Variants in KLRG1 observed in about 807,000 individuals in gnomAD.
KLRG1 encodes the protein killer cell lectin-like receptor subfamily G member 1.
KLRG1 carries 16 observed loss-of-function variants against 21.8 expected under a neutral mutation model. The observed-to-expected ratio is 0.73, with a 90% CI of 0.50 to 1.11. The LOEUF (loss-of-function observed/expected upper bound fraction) is 1.11, where lower values mean the gene tolerates loss of function less well. KLRG1 is among the 50% of genes most tolerant of loss of function. The pLI is 0.00. For missense variants in KLRG1, 173 were observed against 218.3 expected (o/e 0.79, Z 1.31); for synonymous variants, 69 against 75.9 (o/e 0.91, Z 0.47).
chr12:9,135,115 C>T, the KLRG1 span: 1,067 of 215,028 alleles, frequency 5.0e-3, 11 homozygotes, highest in African/African-American at 0.023. Context: ...GAGATGGCCG[C>T]CTCCATGTCC....
the KLRG1 span, among the ~76,000 whole-genome samples, chr12:9,025,555 T>G: frequency 6.6e-6 from 1 of 152,314 alleles, no homozygotes; most frequent in East Asian, 1.9e-4. Context: ...GAGAATCACT[T>G]GAACCCAGGA....
chr12:9,061,620 C>T, the KLRG1 span, among the ~76,000 whole-genome samples: 8 of 151,874 alleles, frequency 5.3e-5, no homozygotes, highest in Non-Finnish European at 1.2e-4. Context: ...TTGAGACCAG[C>T]CTGGGCAGCA....
chr12:8,998,630 A>G (rs1947210380), intron 3 of KLRG1, among the ~76,000 whole-genome samples: 1 of 151,248 alleles, frequency 6.6e-6, no homozygotes, highest in African/African-American at 2.4e-5. Context: ...TAGAGGCTGC[A>G]GTTAGCCGTG....
the KLRG1 span, chr12:9,109,769 C>G: frequency 8.2e-7 from 1 of 1,212,850 alleles, no homozygotes; most frequent in Non-Finnish European, 1.1e-6. Context: ...CAATGTCACC[C>G]ATGGGAAATG....
the KLRG1 span, chr12:9,067,907 C>T: frequency 6.8e-7 from 1 of 1,470,544 alleles, no homozygotes. Flanking sequence ...TATTCTTTCC[C>T]TTAGTTCTGG....
intron 3 of KLRG1, among the ~76,000 whole-genome samples, chr12:8,997,209 G>C (rs1005818655): frequency 1.3e-5 from 2 of 152,098 alleles, no homozygotes; most frequent in Non-Finnish European, 2.9e-5. Flanking sequence ...TTCTCCTAAG[G>C]CTCCTTGGGG....
chr12:9,164,245 C>T, the KLRG1 span: 2 of 1,613,240 alleles, frequency 1.2e-6, no homozygotes, highest in East Asian at 2.2e-5. Flanking sequence ...GAGAGGCTTT[C>T]AGCTGCACAC....
chr12:8,987,988 G>T (rs1946872696), upstream of KLRG1, among the ~76,000 whole-genome samples: 1 of 152,284 alleles, frequency 6.6e-6, no homozygotes, highest in African/African-American at 2.4e-5. Flanking sequence ...TTTGGTTGGT[G>T]CTACTAAGCA....
chr12:9,117,859 A>G, the KLRG1 span, among the ~76,000 whole-genome samples: 2 of 152,204 alleles, frequency 1.3e-5, no homozygotes, highest in Non-Finnish European at 2.9e-5. Context: ...ACATTTAGCC[A>G]ATATAAAATT....
chr12:9,166,226 GT>G, the KLRG1 span: 3 of 1,604,486 alleles, frequency 1.9e-6, no homozygotes, highest in Non-Finnish European at 2.5e-6. Flanking sequence ...AAATTGTCTA[GT>G]TAGGGAAAAA....
At chr12:9,079,579 C>T in the KLRG1 span, 12 of 1,499,232 alleles carry the variant, frequency 8.0e-6, no homozygotes, top group Admixed American at 1.8e-4. Context: ...TAACTGAAAC[C>T]TACTGGGAAA....
the KLRG1 span, chr12:9,077,807 A>T: frequency 8.1e-6 from 13 of 1,614,172 alleles, no homozygotes; most frequent in Non-Finnish European, 1.0e-5. Flanking sequence ...TTCATCGATG[A>T]AGATGTAGGC....
At chr12:9,132,735 A>G in the KLRG1 span, among the ~76,000 whole-genome samples, 1 of 152,208 alleles carries the variant, frequency 6.6e-6, no homozygotes, top group Non-Finnish European at 1.5e-5. Flanking sequence ...TTTAATATAT[A>G]TGGGCACATT....
At chr12:9,072,946 C>CCTCA in the KLRG1 span, 1 of 1,213,214 alleles carries the variant, frequency 8.2e-7, no homozygotes, top group Non-Finnish European at 1.2e-6. Flanking sequence ...TTTCAAAGAC[C>CCTCA]CATGTGAGGG....
the KLRG1 span, chr12:9,194,312 T>G: frequency 3.5e-6 from 5 of 1,409,264 alleles, no homozygotes; most frequent in East Asian, 1.2e-4. Flanking sequence ...AACAAATGCT[T>G]TTGCTGCTAT....
the KLRG1 span, among the ~76,000 whole-genome samples, chr12:9,082,337 G>C: frequency 1.3e-5 from 2 of 152,144 alleles, no homozygotes; most frequent in Non-Finnish European, 2.9e-5. Flanking sequence ...CTTGTGACTG[G>C]CCTGACCAGA....
intron 1 of KLRG1, among the ~76,000 whole-genome samples, chr12:8,959,221 A>G (rs1946344185): frequency 6.6e-6 from 1 of 152,180 alleles, no homozygotes; most frequent in African/African-American, 2.4e-5. Context: ...TTTTTGTTAT[A>G]TAAGTTGCTT....
chr12:9,150,484 A>C, the KLRG1 span, among the ~76,000 whole-genome samples: 5 of 152,108 alleles, frequency 3.3e-5, no homozygotes, highest in Non-Finnish European at 7.4e-5. Context: ...GGGTTTTGCT[A>C]TGTTGGCCAG....
At chr12:9,139,835 AGG>A in the KLRG1 span, among the ~76,000 whole-genome samples, 1 of 135,728 alleles carries the variant, frequency 7.4e-6, no homozygotes, top group South Asian at 2.4e-4. Flanking sequence ...TAAACCTGAG[AGG>A]GGATTCTGAC....
Sources: allele counts gnomAD v4.1 joint callset (sites outside exome capture counted in the v4.1 genomes callset), GRCh38; gene constraint gnomAD v4.1.1; transcripts MANE v1.5; gene names NCBI Gene and HGNC (gene_info 2026-07-23, HGNC 2026-07-21).